The following PCDH15 variants were observed in gnomAD, a reference collection of about 807,000 sequenced individuals.
PCDH15 encodes the protein protocadherin related 15, also known as protocadherin-15.
PCDH15 carries 129 observed loss-of-function variants against 178.5 expected under a neutral mutation model. The observed-to-expected ratio is 0.72, with a 90% CI of 0.63 to 0.84. PCDH15 has a LOEUF of 0.84. Among genes scored for constraint, PCDH15 ranks in the 40% least tolerant of loss-of-function variants. The pLI, the probability that PCDH15 is intolerant of heterozygous loss-of-function variation, is 0.00. For synonymous variants in PCDH15, 800 were observed against 732.0 expected (o/e 1.09, Z -1.50); for missense variants, 2,230 against 2,099.9 (o/e 1.06, Z -1.21).
chr10:53,893,591 T>C (rs1346777355), intron 26 of PCDH15, among the ~76,000 whole-genome samples: 1 of 152,178 alleles, frequency 6.6e-6, no homozygotes, highest in Non-Finnish European at 1.5e-5. Flanking sequence ...GTGGTATATA[T>C]ACACCATTGA....
chr10:54,723,044 AT>A (rs1159177606), intron 1 of PCDH15, among the ~76,000 whole-genome samples: 3 of 151,604 alleles, frequency 2.0e-5, no homozygotes, highest in African/African-American at 4.8e-5. Context: ...TAAAAAAAAA[AT>A]CTTAATGTTT....
At chr10:55,537,017 T>C (rs920829208) in intron 2 of PCDH15, among the ~76,000 whole-genome samples, 1 of 152,122 alleles carries the variant, frequency 6.6e-6, no homozygotes, top group Non-Finnish European at 1.5e-5. Flanking sequence ...TATGAGCTTC[T>C]CATCTAGCCC....
chr10:55,207,933 T>G (rs1175086616), intron 1 of PCDH15, among the ~76,000 whole-genome samples: 3 of 152,086 alleles, frequency 2.0e-5, no homozygotes, highest in Non-Finnish European at 4.4e-5. Flanking sequence ...TGCACCACTG[T>G]ACTCCAGCCT....
intron 1 of PCDH15, among the ~76,000 whole-genome samples, chr10:55,266,252 C>T (rs1390003643): frequency 6.6e-6 from 1 of 151,864 alleles, no homozygotes; most frequent in African/African-American, 2.4e-5. Context: ...AATGGCCAGG[C>T]AATTGGAGCC....
At chr10:53,896,144 G>A (rs1246399491) in intron 26 of PCDH15, among the ~76,000 whole-genome samples, 1 of 151,534 alleles carries the variant, frequency 6.6e-6, no homozygotes, top group Non-Finnish European at 1.5e-5. Context: ...AAAGAGTGTA[G>A]GCTAAAATAA....
chr10:54,790,096 A>G (rs756706372), intron 1 of PCDH15, among the ~76,000 whole-genome samples: 1 of 151,902 alleles, frequency 6.6e-6, no homozygotes, highest in Admixed American at 6.6e-5. Flanking sequence ...CAATTTTCCC[A>G]TAAGACTTCT....
intron 3 of PCDH15, among the ~76,000 whole-genome samples, chr10:54,853,058 A>G (rs1317625337): frequency 6.6e-6 from 1 of 150,648 alleles, no homozygotes; most frequent in African/African-American, 2.4e-5. Flanking sequence ...GTTGGGAGTT[A>G]GAGACCAGCC....
chr10:55,414,075 A>C (rs1051977752), intron 2 of PCDH15, among the ~76,000 whole-genome samples: 1 of 151,672 alleles, frequency 6.6e-6, no homozygotes, highest in Non-Finnish European at 1.5e-5. Context: ...AATAGGAAAA[A>C]GTTTTTTAAA....
chr10:53,946,406 A>AC (rs2086577645), intron 23 of PCDH15, among the ~76,000 whole-genome samples: 1 of 152,060 alleles, frequency 6.6e-6, no homozygotes, highest in African/African-American at 2.4e-5. Flanking sequence ...TTTCACCTGA[A>AC]CCCCTGGTAA....
At chr10:53,838,790 TC>T (rs1333280511) in intron 29 of PCDH15, among the ~76,000 whole-genome samples, 1 of 152,192 alleles carries the variant, frequency 6.6e-6, no homozygotes, top group Non-Finnish European at 1.5e-5. Context: ...GCTTGGTAGA[TC>T]TAAATGTTGC....
At chr10:55,283,053 C>T (rs903792611) in intron 1 of PCDH15, among the ~76,000 whole-genome samples, 4 of 152,116 alleles carry the variant, frequency 2.6e-5, no homozygotes, top group African/African-American at 9.7e-5. Context: ...ACAAATTAGC[C>T]ATGAGATTAG....
chr10:55,448,429 G>A (rs1255696730), intron 2 of PCDH15, among the ~76,000 whole-genome samples: 1 of 151,970 alleles, frequency 6.6e-6, no homozygotes, highest in Non-Finnish European at 1.5e-5. Flanking sequence ...GAAAATGTGT[G>A]TTACAGGATG....
intron 3 of PCDH15, among the ~76,000 whole-genome samples, chr10:54,421,679 TATATATATATATATACAC>T (rs1467192317): frequency 1.7e-5 from 2 of 120,852 alleles, no homozygotes; most frequent in African/African-American, 3.8e-5. Context: ...TACATATATA[TATATATATATATATACAC>T]ACACACACAC....
At chr10:55,058,441 T>C (rs768981814) in intron 2 of PCDH15, among the ~76,000 whole-genome samples, 4 of 152,036 alleles carry the variant, frequency 2.6e-5, no homozygotes, top group Non-Finnish European at 5.9e-5. Flanking sequence ...AACTCCTGAG[T>C]TGAAGTGATC....
chr10:54,174,702 C>CTTTTTTTTTTTTTTTTTTTTTTTTTTTTT (rs1169302544), intron 13 of PCDH15, among the ~76,000 whole-genome samples: 160 of 84,038 alleles, frequency 1.9e-3, no homozygotes, highest in Non-Finnish European at 2.7e-3. Context: ...TTTTTCTTTT[C>CTTTTTTTTTTTTTTTTTTTTTTTTTTTTT]TTTTTTTTTT....
At chr10:55,279,958 T>A (rs993619362) in intron 1 of PCDH15, among the ~76,000 whole-genome samples, 5 of 152,158 alleles carry the variant, frequency 3.3e-5, no homozygotes, top group African/African-American at 1.2e-4. Context: ...AAGTTCTGTT[T>A]TCTTAAAAAG....
chr10:54,922,466 T>C lies in PCDH15; in HGVS notation c.-79-24966A>G, dbSNP rs547111148. 3.3e-5 allele frequency among the ~76,000 whole-genome samples: 5 copies of C among 152,174 alleles called. No individual in the cohort carries two copies. The South Asian group carries it at 1.0e-3, about 32-fold the overall frequency. On this transcript the variant is annotated intron_variant, in intron 2 of 5. Transcript: ENST00000458638. ...AAGCTTAAAGTATTTTACAGGCTCA[T>C]ATGTGGAAAGGAGTTGCCTTGTCTC...
At chr10:53,889,673 C>G (rs1471807428) in intron 26 of PCDH15, among the ~76,000 whole-genome samples, 1 of 151,930 alleles carries the variant, frequency 6.6e-6, no homozygotes, top group Non-Finnish European at 1.5e-5. Flanking sequence ...TATGAATATC[C>G]CCTTACCTAG....
intron 2 of PCDH15, among the ~76,000 whole-genome samples, chr10:54,943,108 C>A (rs908273843): frequency 6.6e-6 from 1 of 151,934 alleles, no homozygotes; most frequent in East Asian, 1.9e-4. Context: ...TTTATTTATT[C>A]TTACAATTCT....
Sources: allele counts gnomAD v4.1 joint callset (sites outside exome capture counted in the v4.1 genomes callset), GRCh38; gene constraint gnomAD v4.1.1; transcripts MANE v1.5; gene names NCBI Gene and HGNC (gene_info 2026-07-23, HGNC 2026-07-21).